SENP1: variants seen among roughly 807,000 people sequenced by gnomAD.
The protein encoded by SENP1 is SUMO specific peptidase 1.
Under a neutral mutation model 93.0 loss-of-function variants are expected in SENP1, and 21 were observed. The ratio of observed to expected loss-of-function variants is 0.23; its 90% confidence interval spans 0.16 to 0.33. SENP1 has a LOEUF of 0.33. Among genes scored for constraint, SENP1 ranks in the 10% least tolerant of loss-of-function variants. The pLI is 1.00. For missense variants in SENP1, 591 were observed against 758.7 expected (o/e 0.78, Z 2.60); for synonymous variants, 256 against 259.6 (o/e 0.99, Z 0.13).
chr12:48,058,998 G>T (rs969278329), intron 13 of SENP1, among the ~76,000 whole-genome samples: 3 of 152,042 alleles, frequency 2.0e-5, no homozygotes, highest in Non-Finnish European at 2.9e-5. Context: ...TCCTATCTTT[G>T]TTCTTCTGTA....
chr12:48,063,603 A>G (rs1399205381), intron 13 of SENP1, 107 bp downstream of exon 13: 1 of 1,105,992 alleles, frequency 9.0e-7, no homozygotes, highest in East Asian at 2.4e-5. Flanking sequence ...AGATGATTCC[A>G]ATGCAGGTCA....
intron 6 of SENP1, among the ~76,000 whole-genome samples, chr12:48,077,345 G>C (rs1944167253): frequency 6.6e-6 from 1 of 152,184 alleles, no homozygotes; most frequent in Admixed American, 6.5e-5. Context: ...TCAGTGCCAA[G>C]ACCACTGTCG....
At position 48,046,865 on chromosome 12, in the gene SENP1, C is replaced by G. The variant is rs1290788539; in HGVS notation, c.1776+113G>C. The G allele has an allele frequency of 7.4e-6, 5 of 671,176 alleles. No individual in the cohort carries two copies. In the East Asian group the frequency reaches 1.3e-4, roughly 18 times the overall value. 41.6% of individuals were successfully genotyped at this position (671,176 alleles called of 1,614,324 possible). A position where few individuals can be genotyped will look rare whatever the true frequency, so the allele number is the denominator to read the frequency against. On this transcript the variant is annotated intron_variant, in intron 16 of 17. Transcript: ENST00000549518. ...CTCCCCCAGAAACCAACCAACCAAG[C>G]TGAAGTCAGGCTAGACACGAACACA... is the stretch of plus-strand genomic sequence containing the variant.
chr12:48,097,415 T>G (rs985543456), intron 3 of SENP1, among the ~76,000 whole-genome samples: 13 of 152,250 alleles, frequency 8.5e-5, no homozygotes, highest in Non-Finnish European at 1.6e-4. Context: ...CATCAAAGAA[T>G]GATCTCATCC....
chr12:48,082,185 G>A (rs1406251537), intron 6 of SENP1, among the ~76,000 whole-genome samples: 7 of 152,024 alleles, frequency 4.6e-5, no homozygotes, highest in African/African-American at 9.7e-5. Context: ...CACCATGCCC[G>A]GCCTCAATAC....
Position 48,048,099 on chromosome 12 carries a change from G to A in SENP1, c.1612-19C>T, listed in dbSNP as rs1941508705. ...CCACAACCTGAGAATAAGAAAAAAA[G>A]TCTCTGTGTTTATGAGATGAAGAAA... On this transcript the variant is annotated intron_variant, in intron 14 of 17. Coordinates refer to ENST00000549518, the MANE Select transcript of SENP1 (RefSeq NM_001267594.2). 1 of 1,528,218 alleles carries A rather than the reference G, an allele frequency of 6.5e-7. No homozygotes were observed. The highest frequency in any genetic ancestry group is 1.4e-5 in the African/African-American group (1 of 72,970). The allele number at this position is 1,528,218 out of a possible 1,614,324, so 94.7% of individuals were successfully genotyped here.
chr12:48,066,390 T>C (rs181585675), intron 10 of SENP1, among the ~76,000 whole-genome samples: 1 of 152,340 alleles, frequency 6.6e-6, no homozygotes, highest in African/African-American at 2.4e-5. Context: ...AATAGCTAAC[T>C]CTATTTTTCC....
chr12:48,088,766 G>A (rs762647165), intron 5 of SENP1, 35 bp downstream of exon 5: 54 of 1,585,922 alleles, frequency 3.4e-5, no homozygotes, highest in Non-Finnish European at 4.7e-5. Flanking sequence ...TATGTCTGAG[G>A]AAGGGCTTGA....
intron 17 of SENP1, 133 bp from the exon 18 acceptor site, chr12:48,045,517 C>A (rs1311921064): frequency 7.3e-6 from 5 of 685,950 alleles, no homozygotes; most frequent in Non-Finnish European, 1.2e-5. Context: ...TTAAATTATT[C>A]ATTCTTGGTT....
rs35006543 is a variant in SENP1, at chr12:48,049,088, C to T, written c.1452G>A (p.Glu484=). 3.7e-5 allele frequency: 60 copies of T among 1,613,470 alleles called. No individual in the cohort carries two copies. The highest frequency in any genetic ancestry group is 4.7e-5 in the Non-Finnish European group (56 of 1,179,612). The change falls in exon 14 of 18, where the codon GAG becomes GAA. Residue 484 remains glutamate (E), a synonymous_variant. Coordinates refer to ENST00000549518, the MANE Select transcript of SENP1 (RefSeq NM_001267594.2). The stretch of plus-strand genomic sequence containing the variant: ...ATGCATGCACACTTGGCAAGCCCTT[C>T]TCTTTACTTCGCTCCATCAGCATAT... ...YMNMLMERSK[E]KGLPSVHAFN... is the part of the protein sequence containing the mutation.
In SENP1 at chr12:48,043,861, T is replaced by A. The variant is rs1270150026; in HGVS notation, c.*1461A>T. ...GAGCTTGTATAAAACAGTAAAATTTTCAAATAAGCCCAGGGAAAAAGCACA... is the reference window on the plus strand; with the variant it reads ...GAGCTTGTATAAAACAGTAAAATTTACAAATAAGCCCAGGGAAAAAGCACA... On this transcript the variant is annotated 3_prime_UTR_variant, in exon 18 of 18. Transcript: ENST00000549518. The A allele has an allele frequency of 6.6e-6, 1 of 152,566 alleles. No homozygotes were observed. Among genetic ancestry groups the A allele is most frequent in the African/African-American group, 2.4e-5 (1 of 41,428 alleles). 9.5% of individuals were successfully genotyped at this position (152,566 alleles called of 1,614,324 possible).
At chr12:48,075,942 A>G (rs1257639869) in intron 6 of SENP1, among the ~76,000 whole-genome samples, 1 of 152,222 alleles carries the variant, frequency 6.6e-6, no homozygotes, top group Non-Finnish European at 1.5e-5. Context: ...TAGAGGAACA[A>G]CACATGCAAA....
intron 5 of SENP1, 79 bp downstream of exon 5, chr12:48,088,722 T>C (rs529768022): frequency 1.8e-5 from 24 of 1,319,418 alleles, no homozygotes; most frequent in Non-Finnish European, 2.3e-5. Flanking sequence ...AAAATCCCAA[T>C]GTAATAACTA....
At chr12:48,094,001 A>T (rs1259469683) in intron 4 of SENP1, among the ~76,000 whole-genome samples, 2 of 152,142 alleles carry the variant, frequency 1.3e-5, no homozygotes, top group Non-Finnish European at 2.9e-5. Context: ...AAAAAAGATT[A>T]CATGTGTCAA....
Position 48,105,773 on chromosome 12 carries a change from G to C in SENP1, c.-45+255C>G, listed in dbSNP as rs1592537934. The C allele has an allele frequency of 7.1e-6, 4 of 566,140 alleles. No homozygotes were observed. The East Asian group carries it at 1.2e-4, about 17-fold the overall frequency. 35.1% of individuals were successfully genotyped at this position (566,140 alleles called of 1,614,324 possible). Reference sequence around the variant, plus strand: ...GTAACGGCAGGGAGACGGTCTCTCCGCGGCCCAGGAGAGAGAGACCAGAAG... The same window carrying C: ...GTAACGGCAGGGAGACGGTCTCTCCCCGGCCCAGGAGAGAGAGACCAGAAG... On this transcript the variant is annotated intron_variant, in intron 1 of 17. Coordinates refer to ENST00000549518, the MANE Select transcript of SENP1 (RefSeq NM_001267594.2).
intron 15 of SENP1, among the ~76,000 whole-genome samples, chr12:48,047,451 T>G (rs943130140): frequency 1.3e-5 from 2 of 152,248 alleles, no homozygotes; most frequent in Non-Finnish European, 2.9e-5. Context: ...TATTTACTAC[T>G]GTTAGGCTTG....
In SENP1 at chr12:48,105,329, G is replaced by A. The variant is rs1415666841; in HGVS notation, c.-45+699C>T. On this transcript the variant is annotated intron_variant, in intron 1 of 17. Transcript: ENST00000549518. Reference sequence around the variant, plus strand: ...ATAAACAGAAATCACCAAGCTCAAGGAAAGAGAAACGAGGCATAGATCCAG... The same window carrying A: ...ATAAACAGAAATCACCAAGCTCAAGAAAAGAGAAACGAGGCATAGATCCAG... 1.2e-5 allele frequency: 6 copies of A among 514,986 alleles called. No individual in the cohort carries two copies. The Admixed American group carries it at 1.2e-4, about 10-fold the overall frequency. The allele number at this position is 514,986 out of a possible 1,614,324, so 31.9% of individuals were successfully genotyped here.
chr12:48,071,785 C>T (rs1021579455), intron 8 of SENP1, 64 bp from the exon 9 acceptor site: 20 of 1,117,086 alleles, frequency 1.8e-5, no homozygotes. Flanking sequence ...TTCTAGATAT[C>T]TTAGTTTAAG....
At chr12:48,073,282 CT>C (rs142428007) in intron 8 of SENP1, among the ~76,000 whole-genome samples, 28 of 146,850 alleles carry the variant, frequency 1.9e-4, no homozygotes, top group African/African-American at 2.7e-4. Context: ...GGTTTTTTGG[CT>C]TTTTTTTTTC....
Sources: gnomAD v4.1 joint callset for allele counts (sites outside exome capture counted in the v4.1 genomes callset) on GRCh38, gnomAD v4.1.1 for gene constraint, MANE v1.5 for transcripts, NCBI Gene and HGNC (gene_info 2026-07-23, HGNC 2026-07-21) for gene names.